The following HIPK1 variants were observed in gnomAD, a reference collection of about 807,000 sequenced individuals.
HIPK1 encodes homeodomain-interacting protein kinase 1.
A neutral mutation model predicts 117.1 loss-of-function variants in HIPK1; 28 were observed. That is an observed-to-expected ratio of 0.24 (90% confidence interval 0.18 to 0.33). HIPK1 has a LOEUF of 0.33. Ranked by LOEUF, HIPK1 falls within the 10% of genes least tolerant of loss-of-function variation. The probability of loss-of-function intolerance (pLI) is 1.00; values close to 1 mark genes in which losing one functional copy is unlikely to be tolerated. For synonymous variants in HIPK1, 605 were observed against 562.5 expected (o/e 1.08, Z -1.07); for missense variants, 1,122 against 1,475.1 (o/e 0.76, Z 3.92).
intron 12 of HIPK1, 49 bp downstream of exon 12, chr1:113,967,997 T>A: frequency 6.6e-7 from 1 of 1,514,558 alleles, no homozygotes; most frequent in Non-Finnish European, 9.0e-7. Context: ...GTTTGAGAGA[T>A]ATGTTGCCTT....
rs765719674 is a variant in HIPK1 at position 113,967,946 on chromosome 1, C to T, written c.2562C>T (p.Ser854=). Reference sequence around the variant, plus strand: ...ATAAGCAGTCAGCTCCAGTCTCTTCCAAGTGAGTCTGTGTTACAGCTGATA... The same window carrying T: ...ATAAGCAGTCAGCTCCAGTCTCTTCTAAGTGAGTCTGTGTTACAGCTGATA... ...KKNKQSAPVS[S]KSSLDVLPSQ... Residue 854 remains serine (S), a splice_region_variant and synonymous_variant, in exon 12 of 16, where the codon TCC becomes TCT. Transcript: ENST00000426820. The T allele has an allele frequency of 1.9e-6, 3 of 1,602,782 alleles. No homozygotes were observed. The highest frequency in any genetic ancestry group is 2.5e-6 in the Non-Finnish European group (3 of 1,177,388).
chr1:113,970,046 C>T lies in HIPK1; in HGVS notation c.2862C>T (p.Ser954=). The T allele has an allele frequency of 1.2e-6, 2 of 1,614,160 alleles. No homozygotes were observed. The highest frequency in any genetic ancestry group is 2.2e-5 in the East Asian group (1 of 44,886). Residue 954 remains serine, a synonymous_variant, in exon 14 of 16, where the codon TCC becomes TCT. Transcript: ENST00000426820. ...DSDSSLSSPY[S]TDTLSALRGN... is the part of the protein sequence containing the mutation. ...ACTCTTCTTTGAGCAGCCCTTATTC[C>T]ACTGATACCCTGAGTGCTCTCCGAG...
In HIPK1 at chr1:113,973,284, A is replaced by C; in HGVS notation, c.3405A>C (p.Pro1135=). The C allele has an allele frequency of 6.2e-7, 1 of 1,614,012 alleles. No homozygotes were observed. The highest frequency in any genetic ancestry group is 8.5e-7 in the Non-Finnish European group (1 of 1,179,992). The change falls in exon 16 of 16, where the codon CCA becomes CCC. Residue 1135 remains proline (P), a synonymous_variant. Transcript: ENST00000426820. ...GCTCCATTGCTCATCTTTTCTCCCC[A>C]CAGGGTTCCTCAAGGCATGCTGCAG... ...STSSIAHLFS[P]QGSSRHAAAY... is the part of the protein sequence containing the mutation.
chr1:113,967,722 A>G, intron 11 of HIPK1, 44 bp from the exon 12 acceptor site: 1 of 1,364,282 alleles, frequency 7.3e-7, no homozygotes, highest in Non-Finnish European at 9.8e-7. Context: ...CTGATTCTTC[A>G]GTGGTTTTGG....
At chr1:113,935,734 T>C (rs1292348168) in intron 1 of HIPK1, among the ~76,000 whole-genome samples, 1 of 152,250 alleles carries the variant, frequency 6.6e-6, no homozygotes, top group East Asian at 1.9e-4. Context: ...TGTGAGATGG[T>C]ATCTCATTTT....
intron 11 of HIPK1, among the ~76,000 whole-genome samples, chr1:113,966,628 TA>T (rs1672464338): frequency 2.0e-5 from 3 of 152,136 alleles, no homozygotes; most frequent in African/African-American, 7.2e-5. Flanking sequence ...ATACTAGGTA[TA>T]TATATTTATG....
chr1:113,938,902 T>C (rs1210668182), intron 1 of HIPK1, among the ~76,000 whole-genome samples: 1 of 93,544 alleles, frequency 1.1e-5, no homozygotes, highest in African/African-American at 4.5e-5. Context: ...AGAGTGAGAC[T>C]CTGTCTCAAA....
In HIPK1 at chr1:113,968,481, G is replaced by C. The variant is rs1243984008; in HGVS notation, c.2604G>C (p.Leu868=). ...LDVLPSQVYS[L]VGSSPLRTTS... ...TTCTGCCTTCCCAAGTCTATTCTCT[G>C]GTTGGGAGCAGTCCCCTCCGCACCA... is the stretch of plus-strand genomic sequence containing the variant. Residue 868 remains leucine (L), a synonymous_variant, in exon 13 of 16, where the codon CTG becomes CTC. Coordinates refer to ENST00000426820, the MANE Select transcript of HIPK1 (RefSeq NM_198268.3). 6.2e-7 allele frequency: 1 copy of C among 1,613,978 alleles called. No homozygotes were observed. Among genetic ancestry groups the C allele is most frequent in the Non-Finnish European group, 8.5e-7 (1 of 1,179,872 alleles).
intron 1 of HIPK1, among the ~76,000 whole-genome samples, chr1:113,935,410 A>G (rs1249908535): frequency 6.6e-6 from 1 of 151,882 alleles, no homozygotes; most frequent in East Asian, 1.9e-4. Context: ...TATGTATCAC[A>G]TTTTCTTTAG....
chr1:113,958,037 G>A (rs1479547160), intron 7 of HIPK1, 29 bp from the exon 8 acceptor site: 1 of 1,448,410 alleles, frequency 6.9e-7, no homozygotes, highest in Non-Finnish European at 9.7e-7. Context: ...CTTAATACAA[G>A]TGTACAAATA....
At chr1:113,969,689 C>T (rs1672692390) in intron 13 of HIPK1, among the ~76,000 whole-genome samples, 1 of 152,078 alleles carries the variant, frequency 6.6e-6, no homozygotes, top group Admixed American at 6.5e-5. Context: ...GCAGGAAGAT[C>T]ACTTGAGCCC....
rs1669677690 is a variant in HIPK1 at position 113,929,416 on chromosome 1, C to CA, written c.-118dup. On this transcript the variant is annotated 5_prime_UTR_variant, in exon 1 of 16. Transcript: ENST00000426820. ...GAGGGGGCGGGAAGTCCAGGCCCCG[C>CA]ACTCGATCCACGCTGGCTCCCTACG... is the stretch of plus-strand genomic sequence containing the variant. 2.3e-6 allele frequency: 3 copies of CA among 1,289,250 alleles called. No homozygotes were observed. The highest frequency in any genetic ancestry group is 3.0e-6 in the Non-Finnish European group (3 of 988,886). The allele number at this position is 1,289,250 out of a possible 1,614,324, so 79.9% of individuals were successfully genotyped here.
At chr1:113,950,967 C>T (rs1204870329) in intron 2 of HIPK1, among the ~76,000 whole-genome samples, 14 of 152,214 alleles carry the variant, frequency 9.2e-5, no homozygotes, top group East Asian at 3.9e-4. Context: ...AAAGGAAAAG[C>T]GCTGCCATTA....
intron 1 of HIPK1, among the ~76,000 whole-genome samples, chr1:113,938,673 G>A (rs1670412666): frequency 1.3e-5 from 2 of 151,672 alleles, no homozygotes; most frequent in African/African-American, 4.8e-5. Flanking sequence ...CTTTGGGAGG[G>A]TGAGGGGGGT....
Position 113,973,224 on chromosome 1 carries a change from T to C in HIPK1, c.3345T>C (p.Ala1115=). 3.7e-6 allele frequency: 6 copies of C among 1,614,106 alleles called. No individual in the cohort carries two copies. Among genetic ancestry groups the C allele is most frequent in the Non-Finnish European group, 5.1e-6 (6 of 1,179,996 alleles). The part of the protein sequence containing the change: ...LPSQAHLYTY[A]APTSAAALGS... The stretch of plus-strand genomic sequence containing the variant: ...GCCAGGCTCATCTGTATACGTATGC[T>C]GCCCCGACTTCTGCTGCTGCACTGG... Residue 1115 remains alanine (A), a synonymous_variant, in exon 16 of 16, where the codon GCT becomes GCC. Transcript: ENST00000426820.
chr1:113,969,886 G>A, intron 13 of HIPK1, 70 bp from the exon 14 acceptor site: 1 of 1,561,946 alleles, frequency 6.4e-7, no homozygotes, highest in Non-Finnish European at 8.7e-7. Context: ...CAGCCTGGGT[G>A]ACAGAACAAG....
intron 2 of HIPK1, among the ~76,000 whole-genome samples, chr1:113,942,448 A>G (rs1208369041): frequency 6.6e-6 from 1 of 152,228 alleles, no homozygotes; most frequent in Admixed American, 6.5e-5. Context: ...CGAACCTCTT[A>G]TCTTGGCAGG....
In HIPK1 at chr1:113,976,938, T is replaced by G. The variant is rs1673166613; in HGVS notation, c.*3426T>G. 1 of 152,760 alleles carries G rather than the reference T, an allele frequency of 6.5e-6. No homozygotes were observed. The highest frequency in any genetic ancestry group is 1.5e-5 in the Non-Finnish European group (1 of 68,038). The allele number at this position is 152,760 out of a possible 1,614,324, so 9.5% of individuals were successfully genotyped here. On this transcript the variant is annotated 3_prime_UTR_variant, in exon 16 of 16. Coordinates refer to ENST00000426820, the MANE Select transcript of HIPK1 (RefSeq NM_198268.3). Reference sequence around the variant, plus strand: ...AGGGACACTTGGTCACTCCAGAGTTTTTAATAGCTCCCAGGAGGTGATATT... The same window carrying G: ...AGGGACACTTGGTCACTCCAGAGTTGTTAATAGCTCCCAGGAGGTGATATT...
chr1:113,969,839 TGAGGTCGCAGC>T (rs1672701742), intron 13 of HIPK1, 106 bp from the exon 14 acceptor site: 38 of 1,117,564 alleles, frequency 3.4e-5, no homozygotes, highest in Non-Finnish European at 4.7e-5. Context: ...CCCAGGAGGT[TGAGGTCGCAGC>T]GAGCTGTGAT....
Sources: gnomAD v4.1 joint callset for allele counts (sites outside exome capture counted in the v4.1 genomes callset) on GRCh38, gnomAD v4.1.1 for gene constraint, MANE v1.5 for transcripts, NCBI Gene and HGNC (gene_info 2026-07-23, HGNC 2026-07-21) for gene names.